The following MCMDC2 variants were observed in gnomAD, a reference collection of about 807,000 sequenced individuals.
MCMDC2 encodes minichromosome maintenance domain containing 2.
In MCMDC2, 54 loss-of-function variants were observed where a neutral mutation model predicts 75.8. The ratio of observed to expected loss-of-function variants is 0.71; its 90% CI spans 0.57 to 0.89. The LOEUF (loss-of-function observed/expected upper bound fraction) is 0.89, where lower values mean the gene tolerates loss of function less well. Ranked by LOEUF, MCMDC2 falls within the 40% of genes least tolerant of loss-of-function variation. MCMDC2 has a pLI of 0.00. For synonymous variants in MCMDC2, 249 were observed against 274.6 expected (o/e 0.91, Z 0.92); for missense variants, 656 against 780.4 (o/e 0.84, Z 1.90).
intron 13 of MCMDC2, chr8:66,901,656 G>C: frequency 4.8e-5 from 51 of 1,053,540 alleles, no homozygotes; most frequent in Non-Finnish European, 5.5e-5. Context: ...TGTTGGGCGG[G>C]CACGGTGGCT....
chr8:66,902,711 A>AAATATATAT (rs1467425752), intron 13 of MCMDC2, among the ~76,000 whole-genome samples: 3 of 67,930 alleles, frequency 4.4e-5, no homozygotes, highest in East Asian at 5.0e-4. Context: ...AAAAAAAAAA[A>AAATATATAT]ATATATATAT....
At position 66,919,107 on chromosome 8, in the gene MCMDC2, C is replaced by A; in HGVS notation, c.1984C>A (p.Gln662Lys). 6.4e-7 allele frequency: 1 copy of A among 1,550,634 alleles called. No homozygotes were observed. Among genetic ancestry groups the A allele is most frequent in the Non-Finnish European group, 8.7e-7 (1 of 1,146,488 alleles). ...RDLYLTQCQQ[Q>K]LEQFIATYGP... ...TCTCTATCTGACTCAGTGCCAACAA[C>A]AGCTGGAACAATTTATTGCCACATA... is the stretch of plus-strand genomic sequence containing the variant. The change falls in exon 15 of 15, where the codon CAG (glutamine) becomes AAG (lysine). Residue 662 changes from glutamine to lysine, a missense_variant. Transcript: ENST00000422365.
intron 10 of MCMDC2, among the ~76,000 whole-genome samples, chr8:66,892,219 T>G (rs1812141393): frequency 1.3e-5 from 2 of 152,154 alleles, no homozygotes; most frequent in Non-Finnish European, 2.9e-5. Flanking sequence ...AATCCTGAGG[T>G]CTGGGCCTCC....
intron 14 of MCMDC2, among the ~76,000 whole-genome samples, chr8:66,915,270 G>A (rs1288948485): frequency 6.6e-6 from 1 of 151,956 alleles, no homozygotes; most frequent in Non-Finnish European, 1.5e-5. Context: ...TGGCCAACAT[G>A]GTGAAACCCT....
downstream of MCMDC2, among the ~76,000 whole-genome samples, chr8:66,924,374 C>T (rs1813655539): frequency 6.6e-6 from 1 of 151,950 alleles, no homozygotes; most frequent in African/African-American, 2.4e-5. Flanking sequence ...CGCCTATAAT[C>T]CCAGCACTTT....
intron 9 of MCMDC2, among the ~76,000 whole-genome samples, chr8:66,885,953 T>C (rs960778344): frequency 6.6e-6 from 1 of 152,210 alleles, no homozygotes. Flanking sequence ...TTGTTTCTGT[T>C]GATGAGTAGC....
At chr8:66,879,335 G>A (rs2130798934) in intron 7 of MCMDC2, among the ~76,000 whole-genome samples, 1 of 152,256 alleles carries the variant, frequency 6.6e-6, no homozygotes, top group East Asian at 1.9e-4. Context: ...GCTCACACCT[G>A]TAATCCCAAC....
Position 66,896,876 on chromosome 8 carries a change from C to A in MCMDC2, c.1543C>A (p.Gln515Lys). The A allele has an allele frequency of 6.2e-7, 1 of 1,613,586 alleles. No individual in the cohort carries two copies. The highest frequency in any genetic ancestry group is 8.5e-7 in the Non-Finnish European group (1 of 1,179,800). ...CTGCCACCCATTTCTTCCTACTGTG[C>A]AACACACTTTGAACAAAGCCATTAA... ...SPCHPFLPTVQHTLNKAINPE... is the reference protein window; with the variant it reads ...SPCHPFLPTVKHTLNKAINPE... The change falls in exon 12 of 15, where the codon CAA (glutamine) becomes AAA (lysine). Residue 515 changes from glutamine to lysine, a missense_variant. Gln to Lys is a moderately conservative substitution (Grantham distance 53, BLOSUM62 1). Transcript: ENST00000422365.
chr8:66,898,454 G>A (rs570541294), intron 12 of MCMDC2, among the ~76,000 whole-genome samples: 3 of 151,750 alleles, frequency 2.0e-5, no homozygotes, highest in South Asian at 2.1e-4. Flanking sequence ...GAGTAACCCC[G>A]TCTCTACTAA....
chr8:66,902,739 T>TAC (rs1812753965), intron 13 of MCMDC2, among the ~76,000 whole-genome samples: 3 of 137,664 alleles, frequency 2.2e-5, no homozygotes, highest in African/African-American at 5.3e-5. Context: ...TATATATATA[T>TAC]ATACATATAT....
At chr8:66,907,823 A>G (rs1451493071) in intron 14 of MCMDC2, among the ~76,000 whole-genome samples, 2 of 152,136 alleles carry the variant, frequency 1.3e-5, no homozygotes, top group Non-Finnish European at 2.9e-5. Flanking sequence ...TCTAATGACT[A>G]GTGATGATGA....
chr8:66,901,072 G>T, intron 12 of MCMDC2, 134 bp from the exon 13 acceptor site: 1 of 650,666 alleles, frequency 1.5e-6, no homozygotes. Context: ...CTTCAAGATG[G>T]CCCCAGACAT....
intron 14 of MCMDC2, among the ~76,000 whole-genome samples, chr8:66,908,265 T>G (rs558142804): frequency 1.3e-5 from 2 of 152,272 alleles, no homozygotes; most frequent in African/African-American, 4.8e-5. Flanking sequence ...AAGGAAGGGG[T>G]CCAGTTTCTG....
chr8:66,917,148 G>T (rs903379959), intron 14 of MCMDC2, among the ~76,000 whole-genome samples: 1 of 152,106 alleles, frequency 6.6e-6, no homozygotes, highest in Non-Finnish European at 1.5e-5. Flanking sequence ...TATATGGGAT[G>T]TTTGGGGAAA....
chr8:66,917,694 A>T (rs1813375784), intron 14 of MCMDC2, among the ~76,000 whole-genome samples: 1 of 152,210 alleles, frequency 6.6e-6, no homozygotes, highest in African/African-American at 2.4e-5. Flanking sequence ...TTCACTTAGC[A>T]TAATGTTCTC....
chr8:66,905,209 A>G lies in MCMDC2; in HGVS notation c.1770-17A>G. The G allele has an allele frequency of 7.2e-7, 1 of 1,388,362 alleles. No individual in the cohort carries two copies. Among genetic ancestry groups the G allele is most frequent in the South Asian group, 1.9e-5 (1 of 51,402 alleles). The allele number at this position is 1,388,362 out of a possible 1,614,324, so 86.0% of individuals were successfully genotyped here. On this transcript the variant is annotated splice_polypyrimidine_tract_variant and intron_variant, in intron 13 of 14. Transcript: ENST00000422365. ...TAATATCAACATATTTTCTTTGGCAACTATTTTCTTTTTTAGCGTTTTCCT... is the reference window on the plus strand; with the variant it reads ...TAATATCAACATATTTTCTTTGGCAGCTATTTTCTTTTTTAGCGTTTTCCT...
At chr8:66,888,365 G>C (rs1811942040) in intron 9 of MCMDC2, among the ~76,000 whole-genome samples, 1 of 152,104 alleles carries the variant, frequency 6.6e-6, no homozygotes, top group Admixed American at 6.6e-5. Context: ...TGCAGATGTG[G>C]GTTACTGAGC....
At chr8:66,923,594 C>T (rs1245298526), downstream of MCMDC2, among the ~76,000 whole-genome samples, 3 of 152,076 alleles carry the variant, frequency 2.0e-5, no homozygotes, top group African/African-American at 7.2e-5. Context: ...ATAATCCTGT[C>T]TTTACAAAGC....
intron 9 of MCMDC2, among the ~76,000 whole-genome samples, chr8:66,887,044 A>T (rs896725519): frequency 6.6e-6 from 1 of 152,066 alleles, no homozygotes; most frequent in Non-Finnish European, 1.5e-5. Flanking sequence ...GTCTGTTTTT[A>T]TAAAGTGTTT....
Sources: allele counts gnomAD v4.1 joint callset (sites outside exome capture counted in the v4.1 genomes callset), GRCh38; gene constraint gnomAD v4.1.1; transcripts MANE v1.5; gene names NCBI Gene and HGNC (gene_info 2026-07-23, HGNC 2026-07-21).